The following INPP4B variants were observed in gnomAD, a reference collection of about 807,000 sequenced individuals.
The protein encoded by INPP4B is inositol polyphosphate-4-phosphatase type II B.
In INPP4B, 55 loss-of-function variants were observed where a neutral mutation model predicts 122.5. The ratio of observed to expected loss-of-function variants is 0.45; its 90% confidence interval spans 0.36 to 0.56. The LOEUF is 0.56. INPP4B is among the 20% of genes least tolerant of loss of function. INPP4B has a pLI of 0.00. For synonymous variants in INPP4B, 403 were observed against 388.7 expected, an observed-to-expected ratio of 1.04 and a Z score of -0.43; for missense variants, 1,000 against 1,097.7, an observed-to-expected ratio of 0.91 and a Z score of 1.26.
At chr4:142,439,441 G>A (rs1811231770) in intron 3 of INPP4B, among the ~76,000 whole-genome samples, 1 of 152,122 alleles carries the variant, frequency 6.6e-6, no homozygotes, top group Non-Finnish European at 1.5e-5. Flanking sequence ...ATCTGTTTCT[G>A]AAAGACCCAA....
intron 2 of INPP4B, among the ~76,000 whole-genome samples, chr4:142,537,429 T>TATATATATATATATATATAGAGAGAGAG (rs1200701380): frequency 3.9e-5 from 1 of 25,488 alleles, no homozygotes. Flanking sequence ...TATATATATA[T>TATATATATATATATATATAGAGAGAGAG]AGAGAGAGAG....
At chr4:142,274,656 T>C (rs909717859) in intron 9 of INPP4B, among the ~76,000 whole-genome samples, 1 of 152,034 alleles carries the variant, frequency 6.6e-6, no homozygotes, top group Non-Finnish European at 1.5e-5. Context: ...GATCTTGGTA[T>C]GTTTACAAGG....
At chr4:142,098,571 T>TCTCACCA (rs1340139209) in intron 23 of INPP4B, among the ~76,000 whole-genome samples, 2 of 151,892 alleles carry the variant, frequency 1.3e-5, no homozygotes, top group Admixed American at 1.3e-4. Context: ...GCAATGCAGG[T>TCTCACCA]GGTGAGAACT....
intron 2 of INPP4B, among the ~76,000 whole-genome samples, chr4:142,621,196 CATAAA>C (rs1173256079): frequency 6.6e-6 from 1 of 151,660 alleles, no homozygotes; most frequent in African/African-American, 2.4e-5. Flanking sequence ...CAAATATAAA[CATAAA>C]ATAAAGAACT....
intron 2 of INPP4B, among the ~76,000 whole-genome samples, chr4:142,468,310 A>G (rs1818189306): frequency 6.6e-6 from 1 of 152,170 alleles, no homozygotes; most frequent in South Asian, 2.1e-4. Context: ...GAATAACTCC[A>G]GGTTAAGGGC....
intron 11 of INPP4B, among the ~76,000 whole-genome samples, chr4:142,242,446 A>G (rs1364261848): frequency 1.3e-5 from 2 of 152,214 alleles, no homozygotes; most frequent in Non-Finnish European, 2.9e-5. Flanking sequence ...GGTGAATTTC[A>G]TCTGTAGAAT....
intron 2 of INPP4B, among the ~76,000 whole-genome samples, chr4:142,551,240 G>C (rs1727915435): frequency 6.6e-6 from 1 of 152,196 alleles, no homozygotes; most frequent in South Asian, 2.1e-4. Flanking sequence ...TTCTGAGGGA[G>C]TTGACTCCAT....
chr4:142,333,024 AAAAC>A (rs1561870884), intron 7 of INPP4B, among the ~76,000 whole-genome samples: 7 of 150,578 alleles, frequency 4.6e-5, no homozygotes, highest in Non-Finnish European at 7.4e-5. Context: ...AAAAAAAAAA[AAAAC>A]AAAAAAAAAA....
intron 1 of INPP4B, among the ~76,000 whole-genome samples, chr4:142,746,820 T>C (rs760305952): frequency 4.6e-5 from 7 of 152,182 alleles, no homozygotes; most frequent in Non-Finnish European, 7.3e-5. Context: ...GCTAGCCATA[T>C]GCAGAAAGCT....
At chr4:142,092,725 C>G (rs962491700) in intron 23 of INPP4B, among the ~76,000 whole-genome samples, 3 of 152,130 alleles carry the variant, frequency 2.0e-5, no homozygotes, top group African/African-American at 7.2e-5. Context: ...GAGTTTTTGT[C>G]ATTTGCAATC....
At chr4:142,844,866 G>C (rs1313395462) in intron 1 of INPP4B, among the ~76,000 whole-genome samples, 1 of 152,142 alleles carries the variant, frequency 6.6e-6, no homozygotes, top group Admixed American at 6.5e-5. Flanking sequence ...GAACTATCTG[G>C]AGCTCATCTT....
At chr4:142,672,159 A>G (rs1053641822) in intron 2 of INPP4B, among the ~76,000 whole-genome samples, 1 of 152,170 alleles carries the variant, frequency 6.6e-6, no homozygotes, top group Non-Finnish European at 1.5e-5. Context: ...CATAGTTTAC[A>G]TTTTGGGCTA....
chr4:142,285,497 G>A (rs1026971885), intron 9 of INPP4B, among the ~76,000 whole-genome samples: 1 of 151,990 alleles, frequency 6.6e-6, no homozygotes, highest in East Asian at 2.0e-4. Context: ...TGAGGCTCAT[G>A]GCCTCAGGTA....
intron 2 of INPP4B, among the ~76,000 whole-genome samples, chr4:142,550,229 C>G (rs1727643148): frequency 6.6e-6 from 1 of 152,112 alleles, no homozygotes; most frequent in Non-Finnish European, 1.5e-5. Context: ...GTGGTGGGCA[C>G]AGGAGATTCT....
chr4:142,132,996 A>C (rs1802077290), intron 18 of INPP4B, among the ~76,000 whole-genome samples: 1 of 152,166 alleles, frequency 6.6e-6, no homozygotes, highest in Non-Finnish European at 1.5e-5. Context: ...CGTACTGCTA[A>C]ATCCAAAGCC....
intron 2 of INPP4B, among the ~76,000 whole-genome samples, chr4:142,594,725 G>A (rs551300912): frequency 1.4e-4 from 22 of 152,206 alleles, no homozygotes; most frequent in Non-Finnish European, 3.2e-4. Flanking sequence ...GGAGCCCGAG[G>A]CGGTTGGATC....
At chr4:142,538,464 C>G (rs1349589570) in intron 2 of INPP4B, among the ~76,000 whole-genome samples, 1 of 151,950 alleles carries the variant, frequency 6.6e-6, no homozygotes, top group Non-Finnish European at 1.5e-5. Flanking sequence ...TTAAAACAAC[C>G]ATGAACCTTT....
chr4:142,327,784 C>T (rs112778430), intron 7 of INPP4B, among the ~76,000 whole-genome samples: 7 of 152,280 alleles, frequency 4.6e-5, no homozygotes, highest in African/African-American at 1.4e-4. Context: ...AAAACTGAGG[C>T]TCAACCTTTA....
intron 25 of INPP4B, among the ~76,000 whole-genome samples, chr4:142,069,140 C>A (rs572829901): frequency 2.0e-5 from 3 of 152,178 alleles, no homozygotes; most frequent in Non-Finnish European, 1.5e-5. Flanking sequence ...GTCTCTCAGA[C>A]CACAGTGCAA....
Sources: gnomAD v4.1 joint callset for allele counts (sites outside exome capture counted in the v4.1 genomes callset) on GRCh38, gnomAD v4.1.1 for gene constraint, MANE v1.5 for transcripts, NCBI Gene and HGNC (gene_info 2026-07-23, HGNC 2026-07-21) for gene names.